The following GSDME variants were observed in gnomAD, a reference collection of about 807,000 sequenced individuals.
GSDME encodes the protein gasdermin E.
Under a neutral mutation model 47.5 loss-of-function variants are expected in GSDME, and 44 were observed. That is an observed-to-expected ratio of 0.93 (90% CI 0.73 to 1.19). The LOEUF is 1.19. Ranked by LOEUF, GSDME falls within the 50% of genes most tolerant of loss-of-function variation. The pLI, the probability that GSDME is intolerant of heterozygous loss-of-function variation, is 0.00. For missense variants in GSDME, 663 were observed against 604.2 expected (o/e 1.10, Z -1.02); for synonymous variants, 258 against 252.8 (o/e 1.02, Z -0.20).
intron 3 of GSDME, among the ~76,000 whole-genome samples, chr7:24,734,077 G>A (rs953705536): frequency 1.3e-5 from 2 of 152,186 alleles, no homozygotes; most frequent in African/African-American, 4.8e-5. Context: ...AGACAGCTTA[G>A]CATAGAGAGA....
chr7:24,781,408 G>A, the GSDME span, among the ~76,000 whole-genome samples: 1 of 152,154 alleles, frequency 6.6e-6, no homozygotes, highest in Non-Finnish European at 1.5e-5. Context: ...CAGTACTCAT[G>A]GCCGGTGAAT....
At chr7:24,762,519 A>G (rs4719780), upstream of GSDME, among the ~76,000 whole-genome samples, 17,421 of 152,122 alleles carry the variant, frequency 0.11, 1,200 homozygotes, top group East Asian at 0.21. Flanking sequence ...CCCAGCATAG[A>G]GAAGTAAAGC....
intron 9 of GSDME, 121 bp from the exon 10 acceptor site, chr7:24,699,380 T>A: frequency 1.4e-6 from 1 of 736,090 alleles, no homozygotes; most frequent in Non-Finnish European, 2.4e-6. Flanking sequence ...TCTTGCTCTG[T>A]CGTCCAGGCT....
chr7:24,703,559 C>G (rs1788966909), intron 8 of GSDME: 1 of 153,600 alleles, frequency 6.5e-6, no homozygotes, highest in Non-Finnish European at 1.4e-5. Flanking sequence ...AAGCTTTGAG[C>G]TGAAAAGGCA....
intron 6 of GSDME, among the ~76,000 whole-genome samples, chr7:24,709,479 C>G (rs1449876269): frequency 6.6e-6 from 1 of 152,162 alleles, no homozygotes; most frequent in Non-Finnish European, 1.5e-5. Flanking sequence ...ACAAAAGCAT[C>G]CTGGTTTGGG....
rs1389220125 is a variant in GSDME at position 24,757,242 on chromosome 7, C to G, written c.-20+154G>C. Reference sequence around the variant, plus strand: ...CCGGCGGCCGGGCAGCCAATCGATTCGTCTCCCCTAGGAAGGAGCGAGGGG... The same window carrying G: ...CCGGCGGCCGGGCAGCCAATCGATTGGTCTCCCCTAGGAAGGAGCGAGGGG... On this transcript the variant is annotated intron_variant, in intron 1 of 9. Transcript: ENST00000645220. This position sits in a 1 kb window ranked among gnomAD's most constrained non-coding sequence, Gnocchi z 5.9. Among the ~76,000 whole-genome samples, 2 of 151,890 alleles carry G rather than the reference C, an allele frequency of 1.3e-5. No homozygotes were observed. Among genetic ancestry groups the G allele is most frequent in the Non-Finnish European group, 2.9e-5 (2 of 67,934 alleles).
chr7:24,776,134 C>T, the GSDME span, among the ~76,000 whole-genome samples: 1 of 136,076 alleles, frequency 7.3e-6, no homozygotes, highest in Non-Finnish European at 1.5e-5. Context: ...GACCTGAGAC[C>T]GGGCCATTGC....
chr7:24,736,311 G>A lies in GSDME; in HGVS notation c.404+8251C>T, dbSNP rs929213111. Reference sequence around the variant, plus strand: ...TCACCTATAAAGACACATATAGACTGAAAATAAAGGGATGGAAAAAGCCCA... The same window carrying A: ...TCACCTATAAAGACACATATAGACTAAAAATAAAGGGATGGAAAAAGCCCA... On this transcript the variant is annotated intron_variant, in intron 3 of 9. Coordinates refer to ENST00000645220, the MANE Select transcript of GSDME (RefSeq NM_001127453.2). This position sits in a 1 kb window ranked among gnomAD's most constrained non-coding sequence, Gnocchi z 4.6. Among the ~76,000 whole-genome samples the A allele has an allele frequency of 2.0e-5, 3 of 151,978 alleles. No individual in the cohort carries two copies. The highest frequency in any genetic ancestry group is 7.2e-5 in the African/African-American group (3 of 41,386).
Position 24,717,290 on chromosome 7 carries a change from C to T in GSDME, c.661G>A (p.Val221Ile). 6.2e-7 allele frequency: 1 copy of T among 1,610,592 alleles called. No homozygotes were observed. Residue 221 changes from valine (V) to isoleucine (I), a missense_variant, in exon 5 of 10, where the codon GTC becomes ATC. Transcript: ENST00000645220. Reference sequence around the variant, plus strand: ...TCCAGTTTCACGTATAACTCAATGACACCGTAGGCAATGGTGGTGGCAGCT... The same window carrying T: ...TCCAGTTTCACGTATAACTCAATGATACCGTAGGCAATGGTGGTGGCAGCT... The part of the protein sequence containing the change: ...IPAATTIAYG[V>I]IELYVKLDGQ...
Position 24,744,368 on chromosome 7 carries a change from C to G in GSDME, c.404+194G>C, listed in dbSNP as rs61241329. On this transcript the variant is annotated intron_variant, in intron 3 of 9. Transcript: ENST00000645220. This position sits in a 1 kb window ranked among gnomAD's most constrained non-coding sequence, Gnocchi z 4.5. ...TGAAAGTGCTTCCCAAGTCTCCCCC[C>G]ACTCAGGCTAAGAACAGTCAAGCAA... 2.5e-5 allele frequency: 16 copies of G among 643,336 alleles called. No homozygotes were observed. The highest frequency in any genetic ancestry group is 4.2e-4 in the Middle Eastern group (1 of 2,392). 39.9% of individuals were successfully genotyped at this position (643,336 alleles called of 1,614,324 possible).
chr7:24,711,133 GAA>G (rs1373636665), intron 5 of GSDME, among the ~76,000 whole-genome samples: 1 of 152,210 alleles, frequency 6.6e-6, no homozygotes, highest in Non-Finnish European at 1.5e-5. Flanking sequence ...CCTAGTCACT[GAA>G]GCTGGATGGT....
Position 24,702,747 on chromosome 7 carries a change from G to C in GSDME, c.1257+13C>G, listed in dbSNP as rs1788922298. On this transcript the variant is annotated intron_variant, in intron 9 of 9. Transcript: ENST00000645220. ...CCTATCCATTCTAAGGTCCCACCTG[G>C]GAGGTTGCTTACCAAGTGGCACAGT... The C allele has an allele frequency of 6.2e-7, 1 of 1,611,938 alleles. No individual in the cohort carries two copies. Among genetic ancestry groups the C allele is most frequent in the Admixed American group, 1.7e-5 (1 of 59,954 alleles).
the GSDME span, among the ~76,000 whole-genome samples, chr7:24,768,811 T>C: frequency 2.2e-4 from 34 of 152,390 alleles, no homozygotes; most frequent in African/African-American, 7.9e-4. The surrounding 1 kb of genome is among the most constrained non-coding windows in gnomAD (Gnocchi z 5.6). Flanking sequence ...AAACAGCATT[T>C]ATATTACATT....
chr7:24,731,921 A>G (rs1790158133), intron 3 of GSDME, among the ~76,000 whole-genome samples: 2 of 152,304 alleles, frequency 1.3e-5, no homozygotes, highest in South Asian at 4.1e-4. Context: ...GATTTTTAAA[A>G]TGAGCCTGAA....
chr7:24,786,279 G>A, the GSDME span, among the ~76,000 whole-genome samples: 8 of 152,154 alleles, frequency 5.3e-5, no homozygotes, highest in East Asian at 7.7e-4. The surrounding 1 kb of genome is among the most constrained non-coding windows in gnomAD (Gnocchi z 5.5). Context: ...TCAAAAACCC[G>A]AGGAAAACTT....
intron 7 of GSDME, chr7:24,707,528 T>C: frequency 2.4e-6 from 1 of 424,536 alleles, no homozygotes; most frequent in Admixed American, 2.8e-5. Context: ...GTAGTCTGAG[T>C]AGTGGCCCAC....
rs1279396309 is a variant in GSDME at position 24,714,999 on chromosome 7, G to A, written c.697+2255C>T. ...GGACAAATAGATAAAGAAAATTGATGTATTTACACAATGGAATACTTTTTG... is the reference window on the plus strand; with the variant it reads ...GGACAAATAGATAAAGAAAATTGATATATTTACACAATGGAATACTTTTTG... On this transcript the variant is annotated intron_variant, in intron 5 of 9. Coordinates refer to ENST00000645220, the MANE Select transcript of GSDME (RefSeq NM_001127453.2). This position sits in a 1 kb window ranked among gnomAD's most constrained non-coding sequence, Gnocchi z 5.0. 1.6e-4 allele frequency among the ~76,000 whole-genome samples: 24 copies of A among 152,180 alleles called. No homozygotes were observed. The highest frequency in any genetic ancestry group is 4.4e-5 in the Non-Finnish European group (3 of 68,036).
chr7:24,784,420 A>T, the GSDME span, among the ~76,000 whole-genome samples: 1 of 152,090 alleles, frequency 6.6e-6, no homozygotes, highest in African/African-American at 2.4e-5. Flanking sequence ...AAAAGTAGGG[A>T]AGCCAACAGT....
chr7:24,711,149 C>T (rs1323272363), intron 5 of GSDME, among the ~76,000 whole-genome samples: 3 of 152,176 alleles, frequency 2.0e-5, no homozygotes, highest in Non-Finnish European at 4.4e-5. Context: ...GGATGGTGGG[C>T]ACATGGGAGC....
Sources: gnomAD v4.1 joint callset for allele counts (sites outside exome capture counted in the v4.1 genomes callset) on GRCh38, gnomAD v4.1.1 for gene constraint, Gnocchi (gnomAD v3.1) non-coding constraint, MANE v1.5 for transcripts, NCBI Gene and HGNC (gene_info 2026-07-23, HGNC 2026-07-21) for gene names.